Variants in CCDC158 observed in about 807,000 individuals in gnomAD.
CCDC158 encodes the protein coiled-coil domain containing 158.
CCDC158 carries 116 observed loss-of-function variants against 138.6 expected under a neutral mutation model. That is an observed-to-expected ratio of 0.84 (90% CI 0.72 to 0.98). The LOEUF is 0.98. Ranked by LOEUF, CCDC158 falls within the 50% of genes least tolerant of loss-of-function variation. The probability of loss-of-function intolerance (pLI) is 0.00; values close to 1 mark genes in which losing one functional copy is unlikely to be tolerated. For synonymous variants in CCDC158, 436 were observed against 442.4 expected, an observed-to-expected ratio of 0.99 and a Z score of 0.18; for missense variants, 1,265 against 1,306.1, an observed-to-expected ratio of 0.97 and a Z score of 0.48.
chr4:76,331,255 G>T, intron 21 of CCDC158, 89 bp downstream of exon 21: 1 of 1,151,904 alleles, frequency 8.7e-7, no homozygotes, highest in South Asian at 1.3e-5. Context: ...TGCAGTGCAT[G>T]GCACATTACA....
rs529744861 is a variant in CCDC158, at chr4:76,371,810, C to T, written c.1030-274G>A. 6.6e-5 allele frequency among the ~76,000 whole-genome samples: 10 copies of T among 151,932 alleles called. No homozygotes were observed. In the East Asian group the frequency reaches 1.5e-3, roughly 24 times the overall value. ...AAAATTGGCCAGGCATGGTAGTGGG[C>T]GCCTGTAATCCCAGCTACTTGGGAG... is the stretch of plus-strand genomic sequence containing the variant. On this transcript the variant is annotated intron_variant, in intron 9 of 24. Transcript: ENST00000682701.
intron 9 of CCDC158, among the ~76,000 whole-genome samples, chr4:76,373,197 C>T (rs929329439): frequency 7.2e-5 from 11 of 152,208 alleles, no homozygotes; most frequent in Admixed American, 2.0e-4. Context: ...AGGCTAGGAT[C>T]TCAGACTGTG....
intron 12 of CCDC158, among the ~76,000 whole-genome samples, chr4:76,366,638 A>AACAC (rs1553895921): frequency 1.4e-5 from 2 of 147,868 alleles, no homozygotes; most frequent in Admixed American, 6.7e-5. Context: ...CACACACACA[A>AACAC]ACACACACAC....
At chr4:76,371,127 C>T (rs546475327) in intron 10 of CCDC158, among the ~76,000 whole-genome samples, 5 of 152,198 alleles carry the variant, frequency 3.3e-5, no homozygotes, top group East Asian at 1.9e-4. Flanking sequence ...TTAAAATGAA[C>T]GTGTAACACT....
chr4:76,371,455 C>A lies in CCDC158; in HGVS notation c.1111G>T (p.Glu371Ter), dbSNP rs371689241. 1 of 1,614,088 alleles carries A rather than the reference C, an allele frequency of 6.2e-7. No homozygotes were observed. The change falls in exon 10 of 25, where the codon GAA (glutamate) becomes TAA (stop). Residue 371 changes from glutamate to a stop codon, truncating the protein, a stop_gained. Coordinates refer to ENST00000682701, the MANE Select transcript of CCDC158 (RefSeq NM_001394954.1). LOFTEE classifies it high-confidence loss of function. ...AGTTGATCATCTAAATTTCCAGATT[C>A]CTGACTGAATTGATCACGCTCTGTC... ...ARTERDQFSQ[E>*]SGNLDDQLQK...
chr4:76,329,914 G>C (rs755694471), intron 21 of CCDC158, among the ~76,000 whole-genome samples: 1 of 152,296 alleles, frequency 6.6e-6, no homozygotes, highest in Non-Finnish European at 1.5e-5. Flanking sequence ...TGAGAATCTA[G>C]CTGTATTTTC....
At chr4:76,409,104 T>C (rs1729082040) in intron 2 of CCDC158, among the ~76,000 whole-genome samples, 1 of 152,212 alleles carries the variant, frequency 6.6e-6, no homozygotes, top group Admixed American at 6.5e-5. Context: ...ATGCTGGTAG[T>C]TATTTTGTGT....
chr4:76,400,666 G>C (rs1728289699), intron 3 of CCDC158, among the ~76,000 whole-genome samples: 1 of 147,856 alleles, frequency 6.8e-6, no homozygotes, highest in Non-Finnish European at 1.5e-5. Flanking sequence ...AAAGATATCT[G>C]GCTAAGATCA....
At chr4:76,413,437 T>G (rs959559269) in intron 1 of CCDC158, among the ~76,000 whole-genome samples, 1 of 140,864 alleles carries the variant, frequency 7.1e-6, no homozygotes, top group Non-Finnish European at 1.5e-5. Flanking sequence ...ATCACACCAC[T>G]GCACTCCAGC....
chr4:76,384,992 T>C (rs903588458), intron 4 of CCDC158, among the ~76,000 whole-genome samples: 1 of 152,110 alleles, frequency 6.6e-6, no homozygotes, highest in Non-Finnish European at 1.5e-5. Context: ...ATTCTGTACA[T>C]AAAAAAGTCA....
intron 12 of CCDC158, among the ~76,000 whole-genome samples, chr4:76,364,399 A>G (rs755397508): frequency 2.6e-5 from 4 of 152,190 alleles, no homozygotes; most frequent in Non-Finnish European, 4.4e-5. Flanking sequence ...ATACCTGCAC[A>G]TGACTCTGGA....
At chr4:76,342,933 T>G (rs1366512948) in intron 18 of CCDC158, among the ~76,000 whole-genome samples, 1 of 152,168 alleles carries the variant, frequency 6.6e-6, no homozygotes, top group Non-Finnish European at 1.5e-5. Context: ...GAGGATTGGC[T>G]AAGTCTATAG....
intron 18 of CCDC158, chr4:76,345,378 G>T (rs1722449080): frequency 9.7e-7 from 1 of 1,031,726 alleles, no homozygotes; most frequent in African/African-American, 1.6e-5. Context: ...AAAGAGCAAA[G>T]ACGTCAAATT....
rs1330368000 is a variant in CCDC158, at chr4:76,332,412, G to C, written c.2882+20C>G. The C allele has an allele frequency of 6.3e-7, 1 of 1,592,648 alleles. No individual in the cohort carries two copies. ...ATATTTGGACAATTAATTTGATTCA[G>C]AATCTCAGATTCTTCTTACCTATGG... On this transcript the variant is annotated intron_variant, in intron 20 of 24. Transcript: ENST00000682701.
chr4:76,363,565 C>T (rs1578979126), intron 12 of CCDC158, among the ~76,000 whole-genome samples: 3 of 152,256 alleles, frequency 2.0e-5, no homozygotes, highest in Admixed American at 2.0e-4. Flanking sequence ...TAAGCAGATG[C>T]TCCTTGTGCT....
intron 21 of CCDC158, among the ~76,000 whole-genome samples, chr4:76,329,449 T>A (rs540863539): frequency 6.6e-6 from 1 of 151,778 alleles, no homozygotes; most frequent in Non-Finnish European, 1.5e-5. Context: ...CCGGGCGAGG[T>A]GGCGGGAACC....
Position 76,328,882 on chromosome 4 carries a change from C to T in CCDC158, c.3010+18G>A. On this transcript the variant is annotated intron_variant, in intron 22 of 24. Coordinates refer to ENST00000682701, the MANE Select transcript of CCDC158 (RefSeq NM_001394954.1). The stretch of plus-strand genomic sequence containing the variant: ...AGACATTGTAGGGCCTATTTCTGTG[C>T]TTTCATTGGAAACTCACCTGCAGAT... The T allele has an allele frequency of 6.2e-7, 1 of 1,609,134 alleles. No homozygotes were observed. The highest frequency in any genetic ancestry group is 8.5e-7 in the Non-Finnish European group (1 of 1,175,502).
intron 9 of CCDC158, among the ~76,000 whole-genome samples, chr4:76,378,677 A>G (rs1349936374): frequency 1.3e-5 from 2 of 152,180 alleles, no homozygotes; most frequent in Admixed American, 1.3e-4. Flanking sequence ...ACTGTTTTAC[A>G]AATGGTTGAA....
At chr4:76,378,610 G>A (rs1191097913) in intron 9 of CCDC158, among the ~76,000 whole-genome samples, 1 of 152,072 alleles carries the variant, frequency 6.6e-6, no homozygotes, top group Non-Finnish European at 1.5e-5. Context: ...CTTCTCACAG[G>A]GAATGAAGAC....
Sources: allele counts gnomAD v4.1 joint callset (sites outside exome capture counted in the v4.1 genomes callset), GRCh38; gene constraint gnomAD v4.1.1; transcripts MANE v1.5; gene names NCBI Gene and HGNC (gene_info 2026-07-23, HGNC 2026-07-21).